The following KIAA1217 variants were observed in gnomAD, a reference collection of about 807,000 sequenced individuals.
KIAA1217 encodes KIAA1217.
A neutral mutation model predicts 163.9 loss-of-function variants in KIAA1217; 88 were observed. That is an observed-to-expected ratio of 0.54 (90% confidence interval 0.45 to 0.64). The LOEUF is 0.64. Among genes scored for constraint, KIAA1217 ranks in the 30% least tolerant of loss-of-function variants. The pLI, the probability that KIAA1217 is intolerant of heterozygous loss-of-function variation, is 0.00. For synonymous variants in KIAA1217, 903 were observed against 923.1 expected (o/e 0.98, Z 0.39); for missense variants, 2,372 against 2,475.0 (o/e 0.96, Z 0.88).
At chr10:23,969,295 C>G (rs1589158465) in intron 1 of KIAA1217, among the ~76,000 whole-genome samples, 1 of 152,178 alleles carries the variant, frequency 6.6e-6, no homozygotes, top group Admixed American at 6.6e-5. Flanking sequence ...CTCGCCTCCC[C>G]AAGTGCTGGG....
chr10:24,353,612 C>T (rs2134063824), intron 2 of KIAA1217, among the ~76,000 whole-genome samples: 1 of 152,232 alleles, frequency 6.6e-6, no homozygotes, highest in South Asian at 2.1e-4. Flanking sequence ...TCTAATTTTG[C>T]TGAGGGGCTA....
intron 2 of KIAA1217, among the ~76,000 whole-genome samples, chr10:24,146,991 A>G (rs1287683157): frequency 6.8e-6 from 1 of 146,096 alleles, no homozygotes; most frequent in Non-Finnish European, 1.5e-5. Flanking sequence ...CTTAAGGAAC[A>G]TGTTTTTGTT....
At chr10:24,335,104 A>C in intron 2 of KIAA1217, among the ~76,000 whole-genome samples, 1 of 152,202 alleles carries the variant, frequency 6.6e-6, no homozygotes, top group Non-Finnish European at 1.5e-5. Flanking sequence ...ACATGCTACA[A>C]CATGGAGTAA....
intron 1 of KIAA1217, among the ~76,000 whole-genome samples, chr10:23,964,059 A>G (rs1187339074): frequency 2.0e-5 from 3 of 151,612 alleles, no homozygotes. Flanking sequence ...ACGCTCAGCT[A>G]ATTTTTTCTT....
intron 2 of KIAA1217, among the ~76,000 whole-genome samples, chr10:24,012,014 A>T (rs563785851): frequency 6.6e-6 from 1 of 152,308 alleles, no homozygotes; most frequent in African/African-American, 2.4e-5. Flanking sequence ...GGAAAAATAA[A>T]AGGAAAGAAA....
Position 24,302,698 on chromosome 10 carries a change from A to C in KIAA1217, c.355-78171A>C, listed in dbSNP as rs150287851. Among the ~76,000 whole-genome samples the C allele has an allele frequency of 5.3e-5, 8 of 152,246 alleles. No individual in the cohort carries two copies. The East Asian group carries it at 1.5e-3, about 29-fold the overall frequency. ...ATAAGTGCTATGAAAAAAAAATAAG[A>C]CAGTGTAAGGGAAATCGACACAGGA... On this transcript the variant is annotated intron_variant, in intron 2 of 20. Transcript: ENST00000376454.
At chr10:24,408,021 T>G (rs965073500) in intron 3 of KIAA1217, among the ~76,000 whole-genome samples, 4 of 152,294 alleles carry the variant, frequency 2.6e-5, no homozygotes, top group African/African-American at 7.2e-5. Context: ...TGAGAGGTCA[T>G]ATAGCATGTG....
At chr10:23,781,442 C>T (rs1835255186) in intron 1 of KIAA1217, among the ~76,000 whole-genome samples, 2 of 152,108 alleles carry the variant, frequency 1.3e-5, no homozygotes, top group Non-Finnish European at 2.9e-5. Flanking sequence ...AGGTCCTTTG[C>T]ATGTTTTAAG....
At chr10:24,010,399 G>A (rs1039153893) in intron 2 of KIAA1217, among the ~76,000 whole-genome samples, 1 of 151,412 alleles carries the variant, frequency 6.6e-6, no homozygotes, top group South Asian at 2.1e-4. Flanking sequence ...TACTACCTTT[G>A]TTCAACCCAT....
intron 1 of KIAA1217, among the ~76,000 whole-genome samples, chr10:23,801,005 A>G (rs530890687): frequency 7.5e-4 from 114 of 152,340 alleles, no homozygotes; most frequent in African/African-American, 2.7e-3. Context: ...AAATCATCCT[A>G]CTATAAAGAC....
chr10:24,448,234 C>A lies in KIAA1217; in HGVS notation c.846+9755C>A, dbSNP rs114196907. The stretch of plus-strand genomic sequence containing the variant: ...TCATCAGAAATACACAGTTATCTAA[C>A]CTTTTTTTGCGTGGGGGGGGCTGGA... On this transcript the variant is annotated intron_variant, in intron 5 of 20. Coordinates refer to ENST00000376454, the MANE Select transcript of KIAA1217 (RefSeq NM_019590.5). Among the ~76,000 whole-genome samples, 788 of 148,202 alleles carry A rather than the reference C, an allele frequency of 5.3e-3. 10 individuals carry two copies. The highest frequency in any genetic ancestry group is 0.018 in the African/African-American group (754 of 40,916).
intron 6 of KIAA1217, among the ~76,000 whole-genome samples, chr10:24,478,270 G>A (rs1056046660): frequency 1.3e-5 from 2 of 152,172 alleles, no homozygotes; most frequent in African/African-American, 2.4e-5. Context: ...ACATGATTTG[G>A]TAACAGCTCT....
chr10:24,087,187 TTTA>T (rs1031019316), intron 2 of KIAA1217, among the ~76,000 whole-genome samples: 1 of 152,216 alleles, frequency 6.6e-6, no homozygotes, highest in African/African-American at 2.4e-5. Context: ...AGACAGTAGT[TTTA>T]TTACTTAGAA....
intron 1 of KIAA1217, among the ~76,000 whole-genome samples, chr10:23,756,869 T>C (rs1424223791): frequency 6.6e-6 from 1 of 152,256 alleles, no homozygotes; most frequent in Non-Finnish European, 1.5e-5. Flanking sequence ...TTATCCCACA[T>C]ACATTTTTCA....
chr10:24,382,533 A>T (rs1158487377), intron 3 of KIAA1217, among the ~76,000 whole-genome samples: 2 of 152,120 alleles, frequency 1.3e-5, no homozygotes, highest in Admixed American at 6.5e-5. Context: ...TCAAATTAAA[A>T]TTTGATCTTA....
chr10:24,424,233 A>C (rs2131604651), intron 3 of KIAA1217, among the ~76,000 whole-genome samples: 1 of 152,366 alleles, frequency 6.6e-6, no homozygotes, highest in Non-Finnish European at 1.5e-5. Context: ...GGATTTGAGA[A>C]GTTACTGACA....
chr10:24,191,090 G>A (rs544224623), intron 2 of KIAA1217, among the ~76,000 whole-genome samples: 3 of 152,168 alleles, frequency 2.0e-5, no homozygotes, highest in East Asian at 1.9e-4. Flanking sequence ...TAAGGTAGGA[G>A]GATGACTTGA....
chr10:23,758,465 G>A (rs1166257469), intron 1 of KIAA1217, among the ~76,000 whole-genome samples: 1 of 152,134 alleles, frequency 6.6e-6, no homozygotes, highest in Non-Finnish European at 1.5e-5. Flanking sequence ...TTCATAGCCA[G>A]TTTTGAAATC....
intron 1 of KIAA1217, among the ~76,000 whole-genome samples, chr10:23,741,264 A>G (rs1234522764): frequency 2.6e-5 from 4 of 152,038 alleles, no homozygotes; most frequent in Non-Finnish European, 4.4e-5. Context: ...GTGAGGGGTC[A>G]GAGAGAATAC....
Sources: gnomAD v4.1 joint callset for allele counts (sites outside exome capture counted in the v4.1 genomes callset) on GRCh38, gnomAD v4.1.1 for gene constraint, MANE v1.5 for transcripts, NCBI Gene and HGNC (gene_info 2026-07-23, HGNC 2026-07-21) for gene names.